COP1: variants seen among roughly 807,000 people sequenced by gnomAD.
COP1 encodes COP1 E3 ubiquitin ligase.
Under a neutral mutation model 101.3 loss-of-function variants are expected in COP1, and 24 were observed. That is an observed-to-expected ratio of 0.24 (90% CI 0.17 to 0.33). The LOEUF (loss-of-function observed/expected upper bound fraction) is 0.33. Ranked by LOEUF, COP1 falls within the 10% of genes least tolerant of loss-of-function variation. The probability of loss-of-function intolerance (pLI) is 1.00; values close to 1 mark genes in which losing one functional copy is unlikely to be tolerated. For synonymous variants in COP1, 347 were observed against 341.9 expected (o/e 1.01, Z -0.17); for missense variants, 663 against 906.2 (o/e 0.73, Z 3.45).
At chr1:176,140,114 A>G (rs1457948704) in intron 6 of COP1, among the ~76,000 whole-genome samples, 1 of 152,164 alleles carries the variant, frequency 6.6e-6, no homozygotes, top group Non-Finnish European at 1.5e-5. Flanking sequence ...AAATCTCAAA[A>G]TATTAAACTC....
At chr1:176,160,373 G>A (rs1694141893) in intron 5 of COP1, 1 of 246,302 alleles carries the variant, frequency 4.1e-6, no homozygotes, top group African/African-American at 2.5e-5. Context: ...AAGACTTCAT[G>A]ACTAAAACAT....
intron 5 of COP1, among the ~76,000 whole-genome samples, chr1:176,161,688 A>G (rs754145248): frequency 6.6e-6 from 1 of 152,214 alleles, no homozygotes; most frequent in Non-Finnish European, 1.5e-5. Context: ...ACACACATAC[A>G]GCAGAACTCT....
At chr1:176,030,880 A>G (rs563814537) in intron 14 of COP1, among the ~76,000 whole-genome samples, 2 of 152,328 alleles carry the variant, frequency 1.3e-5, no homozygotes, top group East Asian at 3.9e-4. Flanking sequence ...AGTTAAAATT[A>G]CGTCAGACTA....
intron 8 of COP1, among the ~76,000 whole-genome samples, chr1:176,117,916 AC>A (rs200066182): frequency 5.8e-4 from 89 of 152,242 alleles, no homozygotes; most frequent in African/African-American, 2.0e-3. Flanking sequence ...AAACAAACAA[AC>A]AAAAAACCAA....
intron 11 of COP1, among the ~76,000 whole-genome samples, chr1:176,068,054 T>TA: frequency 6.6e-6 from 1 of 152,182 alleles, no homozygotes; most frequent in African/African-American, 2.4e-5. Context: ...TGGTAATGGG[T>TA]GATGCTATGC....
At chr1:176,026,698 T>C (rs1035954004) in intron 15 of COP1, among the ~76,000 whole-genome samples, 1 of 152,146 alleles carries the variant, frequency 6.6e-6, no homozygotes, top group Non-Finnish European at 1.5e-5. Flanking sequence ...TATAGTGACA[T>C]GGTTTAAATT....
intron 8 of COP1, among the ~76,000 whole-genome samples, chr1:176,120,573 T>A (rs188171548): frequency 6.6e-5 from 10 of 152,290 alleles, no homozygotes; most frequent in Non-Finnish European, 1.3e-4. Flanking sequence ...CTGGTAACAG[T>A]GAGAAGCTTT....
At chr1:176,079,635 A>AT (rs1678732567) in intron 11 of COP1, among the ~76,000 whole-genome samples, 2 of 151,964 alleles carry the variant, frequency 1.3e-5, no homozygotes, top group African/African-American at 4.8e-5. Context: ...TTAATCTATA[A>AT]TTAAAAAAAA....
chr1:176,155,887 A>T (rs1409530207), intron 5 of COP1, among the ~76,000 whole-genome samples: 1 of 152,072 alleles, frequency 6.6e-6, no homozygotes, highest in East Asian at 1.9e-4. Flanking sequence ...CAAAGCTTCT[A>T]TATAGAGCAA....
chr1:176,015,097 G>A (rs761373567), intron 15 of COP1, among the ~76,000 whole-genome samples: 1 of 152,168 alleles, frequency 6.6e-6, no homozygotes, highest in African/African-American at 2.4e-5. Context: ...TGAAGAGTGT[G>A]CACTGGCTGT....
chr1:176,199,036 G>A (rs2102244330), intron 1 of COP1, among the ~76,000 whole-genome samples: 1 of 152,194 alleles, frequency 6.6e-6, no homozygotes, highest in South Asian at 2.1e-4. Flanking sequence ...GCAAAATGGT[G>A]GCCGGGTGTG....
intron 18 of COP1, among the ~76,000 whole-genome samples, chr1:175,985,363 T>C (rs898617875): frequency 3.3e-5 from 5 of 152,210 alleles, no homozygotes; most frequent in African/African-American, 1.2e-4. Flanking sequence ...ATAAAGCACT[T>C]AGATGATCTT....
intron 15 of COP1, among the ~76,000 whole-genome samples, chr1:176,021,554 T>C (rs906986026): frequency 6.6e-6 from 1 of 152,218 alleles, no homozygotes; most frequent in African/African-American, 2.4e-5. Context: ...CATAATTTTT[T>C]AATCATTAAA....
chr1:176,115,911 C>T (rs1572335209), intron 9 of COP1, among the ~76,000 whole-genome samples: 1 of 152,126 alleles, frequency 6.6e-6, no homozygotes, highest in Non-Finnish European at 1.5e-5. Flanking sequence ...ATCTATTTTA[C>T]TCAAGACTGT....
Position 176,039,701 on chromosome 1 carries a change from A to G in COP1, c.1612+3485T>C, listed in dbSNP as rs1470805240. Reference sequence around the variant, plus strand: ...ATTTCTGATTTCAAAACAGCCTTACAGTGTGGTATTGACATATAAACCAAC... The same window carrying G: ...ATTTCTGATTTCAAAACAGCCTTACGGTGTGGTATTGACATATAAACCAAC... On this transcript the variant is annotated intron_variant, in intron 14 of 19. Coordinates refer to ENST00000367669, the MANE Select transcript of COP1 (RefSeq NM_022457.7). Among the ~76,000 whole-genome samples, 4 of 152,234 alleles carry G rather than the reference A, an allele frequency of 2.6e-5. No individual in the cohort carries two copies. The East Asian group carries it at 7.7e-4, about 29-fold the overall frequency.
At chr1:176,183,628 G>C (rs1340043234) in intron 2 of COP1, among the ~76,000 whole-genome samples, 2 of 152,164 alleles carry the variant, frequency 1.3e-5, no homozygotes, top group South Asian at 2.1e-4. Flanking sequence ...CTTGAAAGCA[G>C]AGTCCTAAAG....
intron 18 of COP1, among the ~76,000 whole-genome samples, chr1:175,972,043 A>C (rs1653344868): frequency 6.6e-6 from 1 of 152,186 alleles, no homozygotes; most frequent in Non-Finnish European, 1.5e-5. Flanking sequence ...GATGTGACAG[A>C]GATGGGATCT....
intron 2 of COP1, among the ~76,000 whole-genome samples, chr1:176,184,184 T>C (rs1286736316): frequency 6.6e-6 from 1 of 152,174 alleles, no homozygotes; most frequent in African/African-American, 2.4e-5. Flanking sequence ...CCTGGCATGA[T>C]ATAATGTAAA....
At chr1:176,164,191 T>G (rs1214635214) in intron 3 of COP1, among the ~76,000 whole-genome samples, 2 of 152,208 alleles carry the variant, frequency 1.3e-5, no homozygotes, top group African/African-American at 2.4e-5. Flanking sequence ...TCATTCACCA[T>G]GTGAGACCAT....
Sources: allele counts gnomAD v4.1 joint callset (sites outside exome capture counted in the v4.1 genomes callset), GRCh38; gene constraint gnomAD v4.1.1; transcripts MANE v1.5; gene names NCBI Gene and HGNC (gene_info 2026-07-23, HGNC 2026-07-21).